Variants in DRC11 observed in about 807,000 individuals in gnomAD.
The protein encoded by DRC11 is IQ and AAA domain-containing protein 1.
At chr2:236,394,936 G>T in the DRC11 span, among the ~76,000 whole-genome samples, 65,515 of 152,052 alleles carry the variant, frequency 0.43, 14,486 homozygotes, top group African/African-American at 0.46. The surrounding 1 kb of genome is among the most constrained non-coding windows in gnomAD (Gnocchi z 7.0). Flanking sequence ...TGGCGCAAGG[G>T]CAGTTGGGCA....
At chr2:236,423,431 C>A in the DRC11 span, among the ~76,000 whole-genome samples, 1 of 152,118 alleles carries the variant, frequency 6.6e-6, no homozygotes, top group East Asian at 1.9e-4. Context: ...ATTTATGCAG[C>A]CAAACGACAC....
chr2:236,454,723 G>T, the DRC11 span: 1 of 152,168 alleles, frequency 6.6e-6, no homozygotes, highest in African/African-American at 2.4e-5. The surrounding 1 kb of genome is among the most constrained non-coding windows in gnomAD (Gnocchi z 5.3). Context: ...ACCTTCAGGT[G>T]GTTTCCTTTG....
the DRC11 span, among the ~76,000 whole-genome samples, chr2:236,360,857 A>G: frequency 2.4e-4 from 37 of 152,238 alleles, no homozygotes; most frequent in Non-Finnish European, 1.5e-5. The surrounding 1 kb of genome is among the most constrained non-coding windows in gnomAD (Gnocchi z 5.8). Flanking sequence ...ATAGACCCAT[A>G]TTAACAAAAT....
the DRC11 span, chr2:236,331,215 G>T: frequency 1.5e-6 from 1 of 645,452 alleles, no homozygotes; most frequent in Admixed American, 2.8e-5. The surrounding 1 kb of genome is among the most constrained non-coding windows in gnomAD (Gnocchi z 4.8). Flanking sequence ...AAACCCCAAA[G>T]ATTTTGTCAT....
At chr2:236,364,360 T>C in the DRC11 span, among the ~76,000 whole-genome samples, 1 of 148,762 alleles carries the variant, frequency 6.7e-6, no homozygotes, top group Non-Finnish European at 1.5e-5. Context: ...CTTTGAAAGC[T>C]TGGGAAGAGG....
the DRC11 span, among the ~76,000 whole-genome samples, chr2:236,445,386 G>A: frequency 6.6e-6 from 1 of 152,100 alleles, no homozygotes; most frequent in Non-Finnish European, 1.5e-5. This position sits in a 1 kb window ranked among gnomAD's most constrained non-coding sequence, Gnocchi z 4.8. Context: ...AGGCTGGAGT[G>A]CAGTGGCGCA....
At chr2:236,392,479 T>C in the DRC11 span, 28,613 of 526,666 alleles carry the variant, frequency 0.054, 1,335 homozygotes, top group African/African-American at 0.17. This position sits in a 1 kb window ranked among gnomAD's most constrained non-coding sequence, Gnocchi z 5.1. Context: ...ACTTTATATG[T>C]TATTGCATAG....
chr2:236,398,005 A>G, the DRC11 span, among the ~76,000 whole-genome samples: 3 of 152,226 alleles, frequency 2.0e-5, no homozygotes, highest in Non-Finnish European at 4.4e-5. This position sits in a 1 kb window ranked among gnomAD's most constrained non-coding sequence, Gnocchi z 6.2. Flanking sequence ...GCTCTGCACC[A>G]TTAAGGAGTT....
the DRC11 span, among the ~76,000 whole-genome samples, chr2:236,458,563 G>A: frequency 6.6e-6 from 1 of 152,130 alleles, no homozygotes. Flanking sequence ...TAAGTAATTT[G>A]TGGGGCCCAA....
chr2:236,368,749 T>C, the DRC11 span: 1 of 157,086 alleles, frequency 6.4e-6, no homozygotes, highest in Non-Finnish European at 1.4e-5. Flanking sequence ...ATTGGAGCAG[T>C]GTAAATCTGA....
chr2:236,337,441 T>C, the DRC11 span, among the ~76,000 whole-genome samples: 2 of 152,184 alleles, frequency 1.3e-5, no homozygotes, highest in African/African-American at 4.8e-5. This position sits in a 1 kb window ranked among gnomAD's most constrained non-coding sequence, Gnocchi z 4.9. Flanking sequence ...GGGGGCCACA[T>C]GGGGCCAGGT....
chr2:236,360,503 A>C, the DRC11 span, among the ~76,000 whole-genome samples: 1 of 152,222 alleles, frequency 6.6e-6, no homozygotes, highest in Non-Finnish European at 1.5e-5. The surrounding 1 kb of genome is among the most constrained non-coding windows in gnomAD (Gnocchi z 5.8). Flanking sequence ...GAATGAACAA[A>C]TGCAGGTGTT....
At chr2:236,332,458 G>A in the DRC11 span, 1 of 152,202 alleles carries the variant, frequency 6.6e-6, no homozygotes, top group South Asian at 2.1e-4. The surrounding 1 kb of genome is among the most constrained non-coding windows in gnomAD (Gnocchi z 5.1). Context: ...CGGTGGAGAA[G>A]GGTGAAGGGT....
the DRC11 span, among the ~76,000 whole-genome samples, chr2:236,325,582 CT>C: frequency 6.6e-6 from 1 of 150,894 alleles, no homozygotes; most frequent in Non-Finnish European, 1.5e-5. The surrounding 1 kb of genome is among the most constrained non-coding windows in gnomAD (Gnocchi z 4.4). Flanking sequence ...GGGAAACTCT[CT>C]TGGTCTTTGT....
the DRC11 span, among the ~76,000 whole-genome samples, chr2:236,395,371 G>A: frequency 1.3e-5 from 2 of 152,216 alleles, no homozygotes; most frequent in East Asian, 3.8e-4. Context: ...CAGCCCGAGA[G>A]CCAAGGTATA....
the DRC11 span, chr2:236,408,551 G>A: frequency 1.4e-6 from 1 of 728,110 alleles, no homozygotes; most frequent in Non-Finnish European, 2.6e-6. The surrounding 1 kb of genome is among the most constrained non-coding windows in gnomAD (Gnocchi z 5.5). Flanking sequence ...GCCTTCTTCT[G>A]GCGTGGAGGA....
the DRC11 span, among the ~76,000 whole-genome samples, chr2:236,326,711 T>C: frequency 6.6e-6 from 1 of 152,284 alleles, no homozygotes; most frequent in East Asian, 1.9e-4. Flanking sequence ...ACATCTTAAT[T>C]ATATTAATTT....
chr2:236,505,972 TC>T, the DRC11 span, among the ~76,000 whole-genome samples: 1 of 152,142 alleles, frequency 6.6e-6, no homozygotes, highest in African/African-American at 2.4e-5. Flanking sequence ...ATAGTTTCTC[TC>T]CCCCTACATT....
the DRC11 span, among the ~76,000 whole-genome samples, chr2:236,425,205 T>C: frequency 2.6e-5 from 4 of 151,992 alleles, no homozygotes; most frequent in Admixed American, 2.0e-4. Context: ...GATCATATAG[T>C]TCTATTTTTC....
Sources: allele counts gnomAD v4.1 joint callset (sites outside exome capture counted in the v4.1 genomes callset), GRCh38; gene constraint gnomAD v4.1.1; non-coding constraint Gnocchi (gnomAD v3.1); transcripts MANE v1.5; gene names NCBI Gene and HGNC (gene_info 2026-07-23, HGNC 2026-07-21).